Variants in ASAP1 observed in about 807,000 individuals in gnomAD.
ASAP1 encodes ArfGAP with SH3 domain, ankyrin repeat and PH domain 1, also known as arf-GAP with SH3 domain, ANK repeat and PH domain-containing protein 1.
A neutral mutation model predicts 145.2 loss-of-function variants in ASAP1; 43 were observed. The observed-to-expected ratio is 0.30, with a 90% confidence interval of 0.23 to 0.38. The LOEUF is 0.38. ASAP1 is among the 10% of genes least tolerant of loss of function. The pLI is 1.00. For missense variants in ASAP1, 1,018 were observed against 1,355.3 expected, an observed-to-expected ratio of 0.75 and a Z score of 3.91; for synonymous variants, 546 against 515.5, an observed-to-expected ratio of 1.06 and a Z score of -0.80.
intron 3 of ASAP1, among the ~76,000 whole-genome samples, chr8:130,345,508 T>G (rs749550523): frequency 6.6e-6 from 1 of 152,186 alleles, no homozygotes; most frequent in African/African-American, 2.4e-5. Context: ...CAGATTCTCT[T>G]CCGTTTACTT....
rs186855243 is a variant in ASAP1, at chr8:130,422,501, G to A, written c.-27-20531C>T. ...TGTCTCTTACACAGTGTACTTTCCC[G>A]CCTTCTCCCTTGCCTCGGGCTTCTC... On this transcript the variant is annotated intron_variant, in intron 1 of 29. Transcript: ENST00000518721. Among the ~76,000 whole-genome samples, 612 of 152,218 alleles carry A rather than the reference G, an allele frequency of 4.0e-3. 7 individuals carry two copies. The highest frequency in any genetic ancestry group is 6.5e-3 in the Non-Finnish European group (441 of 68,006).
chr8:130,328,749 A>C (rs1017478947), intron 3 of ASAP1, among the ~76,000 whole-genome samples: 1 of 151,992 alleles, frequency 6.6e-6, no homozygotes, highest in Non-Finnish European at 1.5e-5. Context: ...CAGCCTCCCG[A>C]GTAGCTAGGA....
At chr8:130,392,961 A>C (rs1210768105) in intron 2 of ASAP1, among the ~76,000 whole-genome samples, 1 of 152,202 alleles carries the variant, frequency 6.6e-6, no homozygotes. Context: ...AGAGGGGTCA[A>C]ATATCCAAAC....
At chr8:130,143,860 A>T (rs933271885) in intron 13 of ASAP1, among the ~76,000 whole-genome samples, 3 of 152,250 alleles carry the variant, frequency 2.0e-5, no homozygotes, top group Admixed American at 1.3e-4. Context: ...AGCAGAAAAC[A>T]GCTGCTACTG....
In ASAP1 at chr8:130,383,606, C is replaced by T. The variant is rs563068940; in HGVS notation, c.59+18279G>A. The stretch of plus-strand genomic sequence containing the variant: ...CTAATATTATTCCCAGATGAGGAAA[C>T]GAGGGTCACAGGGATTCGTGGCTTG... On this transcript the variant is annotated intron_variant, in intron 2 of 29. Transcript: ENST00000518721. Among the ~76,000 whole-genome samples, 7 of 152,198 alleles carry T rather than the reference C, an allele frequency of 4.6e-5. No individual in the cohort carries two copies. In the East Asian group the frequency reaches 9.7e-4, roughly 21 times the overall value.
chr8:130,143,933 A>G (rs2135886314), intron 13 of ASAP1, among the ~76,000 whole-genome samples: 1 of 152,346 alleles, frequency 6.6e-6, no homozygotes, highest in East Asian at 1.9e-4. Flanking sequence ...TCTGCTTTAC[A>G]AACAAGAAGT....
At chr8:130,353,877 A>G (rs1826146199) in intron 3 of ASAP1, among the ~76,000 whole-genome samples, 1 of 151,800 alleles carries the variant, frequency 6.6e-6, no homozygotes, top group Non-Finnish European at 1.5e-5. Context: ...TGTTTCACGG[A>G]GAGAAGGGAG....
At chr8:130,130,561 C>T (rs1388387344) in intron 15 of ASAP1, among the ~76,000 whole-genome samples, 1 of 152,186 alleles carries the variant, frequency 6.6e-6, no homozygotes, top group Non-Finnish European at 1.5e-5. Context: ...AAGTAACAAG[C>T]ATACTCAAAA....
At chr8:130,430,533 C>T (rs1830100741) in intron 1 of ASAP1, among the ~76,000 whole-genome samples, 2 of 152,134 alleles carry the variant, frequency 1.3e-5, no homozygotes, top group South Asian at 2.1e-4. Context: ...TGACCCTGAC[C>T]ACCTGGGCAT....
At chr8:130,435,850 T>A (rs1456503584) in intron 1 of ASAP1, among the ~76,000 whole-genome samples, 1 of 152,188 alleles carries the variant, frequency 6.6e-6, no homozygotes, top group Middle Eastern at 3.2e-3. Context: ...GACTGTGGAA[T>A]CCACCATACA....
intron 9 of ASAP1, among the ~76,000 whole-genome samples, chr8:130,173,596 T>C (rs984836040): frequency 2.0e-5 from 3 of 151,588 alleles, no homozygotes; most frequent in African/African-American, 2.4e-5. Flanking sequence ...TGAAGCCCTG[T>C]CTCTACAAAA....
chr8:130,225,869 T>G (rs761061572), intron 4 of ASAP1, among the ~76,000 whole-genome samples: 2 of 152,134 alleles, frequency 1.3e-5, no homozygotes, highest in Non-Finnish European at 2.9e-5. Flanking sequence ...AATCTAGAGC[T>G]AGGTAGATTA....
intron 18 of ASAP1, among the ~76,000 whole-genome samples, chr8:130,120,624 G>GA (rs1374028517): frequency 6.6e-6 from 1 of 152,186 alleles, no homozygotes; most frequent in East Asian, 1.9e-4. Context: ...TGCGTTTCAG[G>GA]AATGTCTGCA....
At chr8:130,099,673 TTTCA>T (rs1166375715) in intron 24 of ASAP1, among the ~76,000 whole-genome samples, 1 of 144,578 alleles carries the variant, frequency 6.9e-6, no homozygotes, top group Non-Finnish European at 1.5e-5. Context: ...CATGAAAGGA[TTTCA>T]TTCTTTTTTT....
At chr8:130,388,428 G>A (rs1032992076) in intron 2 of ASAP1, among the ~76,000 whole-genome samples, 2 of 152,208 alleles carry the variant, frequency 1.3e-5, no homozygotes, top group African/African-American at 4.8e-5. Flanking sequence ...GACATATTAA[G>A]TTTGAGAGGC....
chr8:130,123,322 C>G (rs544970395), intron 18 of ASAP1, among the ~76,000 whole-genome samples: 1 of 152,310 alleles, frequency 6.6e-6, no homozygotes, highest in East Asian at 1.9e-4. Context: ...AGTTTCCCCA[C>G]AGTCTTGCTG....
chr8:130,243,439 T>A (rs1818662091), intron 3 of ASAP1, among the ~76,000 whole-genome samples: 1 of 152,116 alleles, frequency 6.6e-6, no homozygotes, highest in African/African-American at 2.4e-5. Flanking sequence ...AATGAACACA[T>A]ACACACTCTC....
At chr8:130,073,215 C>A (rs1019574708) in intron 27 of ASAP1, among the ~76,000 whole-genome samples, 1 of 151,446 alleles carries the variant, frequency 6.6e-6, no homozygotes, top group Non-Finnish European at 1.5e-5. Flanking sequence ...CACGGAGAAA[C>A]CCCTGTCTCT....
intron 26 of ASAP1, among the ~76,000 whole-genome samples, chr8:130,079,694 A>G (rs2097474365): frequency 6.6e-6 from 1 of 151,892 alleles, no homozygotes; most frequent in Admixed American, 6.6e-5. Context: ...GTTGCTGCTC[A>G]GAGAACGGTC....
Sources: allele counts gnomAD v4.1 joint callset (sites outside exome capture counted in the v4.1 genomes callset), GRCh38; gene constraint gnomAD v4.1.1; transcripts MANE v1.5; gene names NCBI Gene and HGNC (gene_info 2026-07-23, HGNC 2026-07-21).